Variants in SGCE observed in about 807,000 individuals in gnomAD.
SGCE encodes the protein sarcoglycan epsilon, also known as epsilon-sarcoglycan.
SGCE carries 26 observed loss-of-function variants against 57.8 expected under a neutral mutation model. The ratio of observed to expected loss-of-function variants is 0.45; its 90% CI spans 0.33 to 0.62. The LOEUF is 0.62. Among genes scored for constraint, SGCE ranks in the 20% least tolerant of loss-of-function variants. SGCE has a pLI of 0.02. For missense variants in SGCE, 468 were observed against 548.6 expected (o/e 0.85, Z 1.47); for synonymous variants, 183 against 189.5 (o/e 0.97, Z 0.28).
At chr7:94,587,159 T>C (rs1407905589) in intron 10 of SGCE, 1 of 984,436 alleles carries the variant, frequency 1.0e-6, no homozygotes, top group African/African-American at 1.7e-5. Flanking sequence ...TCTTTGGCTC[T>C]TATATTTGTT....
chr7:94,621,741 C>T (rs1211323231), intron 4 of SGCE: 1 of 152,194 alleles, frequency 6.6e-6, no homozygotes, highest in Non-Finnish European at 1.5e-5. Context: ...TTATTCTGCT[C>T]ATTAAGTGTA....
chr7:94,629,928 G>A (rs759914319), intron 1 of SGCE, 87 bp from the exon 2 acceptor site: 1 of 1,485,666 alleles, frequency 6.7e-7, no homozygotes, highest in South Asian at 1.2e-5. Context: ...TTATAAAGAG[G>A]GGTCTCACTA....
At chr7:94,614,559 C>A (rs1801590637) in intron 5 of SGCE, among the ~76,000 whole-genome samples, 1 of 152,170 alleles carries the variant, frequency 6.6e-6, no homozygotes, top group African/African-American at 2.4e-5. Context: ...CTTCGGTACT[C>A]GCCCAAGCCC....
At chr7:94,597,831 AC>A (rs1798626615) in intron 9 of SGCE, 1 of 152,292 alleles carries the variant, frequency 6.6e-6, no homozygotes, top group East Asian at 1.9e-4. Flanking sequence ...ACATGGTGAA[AC>A]CCCATCCCTA....
chr7:94,628,485 T>A, intron 2 of SGCE, 126 bp from the exon 3 acceptor site: 1 of 684,042 alleles, frequency 1.5e-6, no homozygotes, highest in Non-Finnish European at 2.5e-6. Context: ...AATACACACA[T>A]ACAAAACCCA....
chr7:94,628,457 T>G (rs1584693630), intron 2 of SGCE, 98 bp from the exon 3 acceptor site: 10 of 1,053,336 alleles, frequency 9.5e-6, no homozygotes, highest in East Asian at 5.1e-5. Flanking sequence ...ATTTTTTTCT[T>G]ACATTTGTAG....
chr7:94,626,149 G>A (rs1199392759), intron 3 of SGCE: 4 of 151,960 alleles, frequency 2.6e-5, no homozygotes, highest in East Asian at 1.9e-4. Flanking sequence ...TTATTAAATT[G>A]CAGGATTTCG....
chr7:94,605,968 A>T (rs919957135), intron 5 of SGCE, among the ~76,000 whole-genome samples: 6 of 152,062 alleles, frequency 3.9e-5, no homozygotes, highest in African/African-American at 1.4e-4. Flanking sequence ...AGCTGAGACT[A>T]CAGGTGCCCG....
At chr7:94,601,807 G>T (rs376529311) in intron 6 of SGCE, among the ~76,000 whole-genome samples, 100 of 152,166 alleles carry the variant, frequency 6.6e-4, no homozygotes, top group African/African-American at 2.3e-3. Flanking sequence ...CACATTGGCG[G>T]CTTGTTGTCC....
rs1801453067 is a variant in SGCE, at chr7:94,613,902, AC to A, written c.662+4855del. 4.6e-5 allele frequency among the ~76,000 whole-genome samples: 7 copies of A among 152,122 alleles called. No individual in the cohort carries two copies. In the South Asian group the frequency reaches 1.5e-3, roughly 32 times the overall value. On this transcript the variant is annotated intron_variant, in intron 5 of 10. Coordinates refer to ENST00000648936, the MANE Select transcript of SGCE (RefSeq NM_003919.3). ...CACCCAACTTCTTTCTAATGTACAT[AC>A]CTGCAATTAATCAATCAAAAAGTAA...
rs774546647 is a variant in SGCE, at chr7:94,600,723, T to G, written c.960A>C (p.Thr320=). The part of the protein sequence containing the change: ...SRDYYTDFLI[T]LAVPSAVALV... ...GTGCCACTGCCGAGGGCACAGCCAG[T>G]GTAATTAGGAAATCCGTGTAATAGT... Residue 320 remains threonine (T), a synonymous_variant, in exon 7 of 11, where the codon ACA becomes ACC. Coordinates refer to ENST00000648936, the MANE Select transcript of SGCE (RefSeq NM_003919.3). 24 of 1,613,868 alleles carry G rather than the reference T, an allele frequency of 1.5e-5. No individual in the cohort carries two copies. The highest frequency in any genetic ancestry group is 2.0e-5 in the Non-Finnish European group (24 of 1,179,868).
rs1804008958 is a variant in SGCE at position 94,628,004 on chromosome 7, A to G, written c.390+198T>C. ...TTTAGACTGTCATTTTTAATATAAA[A>G]GCTGAAACAAAAACTTTATAAACAG... is the stretch of plus-strand genomic sequence containing the variant. On this transcript the variant is annotated intron_variant, in intron 3 of 10. Coordinates refer to ENST00000648936, the MANE Select transcript of SGCE (RefSeq NM_003919.3). The G allele has an allele frequency of 9.5e-6, 5 of 527,598 alleles. No homozygotes were observed. In the East Asian group the frequency reaches 1.5e-4, roughly 15 times the overall value. 32.7% of individuals were successfully genotyped at this position (527,598 alleles called of 1,614,324 possible).
chr7:94,595,046 T>C (rs188589497), intron 9 of SGCE, among the ~76,000 whole-genome samples: 55 of 152,282 alleles, frequency 3.6e-4, no homozygotes, highest in Non-Finnish European at 7.6e-4. Context: ...TGCCTAGATA[T>C]CAGGATAGGT....
chr7:94,633,720 G>A (rs1354936790), intron 1 of SGCE, among the ~76,000 whole-genome samples: 1 of 152,126 alleles, frequency 6.6e-6, no homozygotes, highest in African/African-American at 2.4e-5. Context: ...ATATATGGGT[G>A]TGCACGTGTG....
intron 1 of SGCE, among the ~76,000 whole-genome samples, chr7:94,643,190 A>G (rs1806631937): frequency 6.6e-6 from 1 of 152,234 alleles, no homozygotes; most frequent in South Asian, 2.1e-4. Flanking sequence ...AGGATTTACT[A>G]GGATAATTTT....
intron 5 of SGCE, among the ~76,000 whole-genome samples, chr7:94,608,066 G>A (rs545087434): frequency 2.0e-5 from 3 of 152,244 alleles, no homozygotes; most frequent in Admixed American, 1.3e-4. Context: ...AACAGAGGCC[G>A]GGTGTGATGG....
intron 9 of SGCE, among the ~76,000 whole-genome samples, chr7:94,591,937 A>T (rs1797739039): frequency 6.6e-6 from 1 of 152,204 alleles, no homozygotes. Flanking sequence ...TGTTTGAACA[A>T]TGCTCATGCA....
At chr7:94,605,695 GGA>G (rs1800008419) in intron 5 of SGCE, among the ~76,000 whole-genome samples, 2 of 151,784 alleles carry the variant, frequency 1.3e-5, no homozygotes, top group African/African-American at 4.8e-5. Flanking sequence ...TGTTAAAAGA[GGA>G]GAGAAAACAA....
At chr7:94,605,073 C>A (rs748353954) in intron 5 of SGCE, among the ~76,000 whole-genome samples, 1 of 151,594 alleles carries the variant, frequency 6.6e-6, no homozygotes, top group Non-Finnish European at 1.5e-5. Context: ...ATTCTTTTTA[C>A]TCCATACATT....
Sources: gnomAD v4.1 joint callset for allele counts (sites outside exome capture counted in the v4.1 genomes callset) on GRCh38, gnomAD v4.1.1 for gene constraint, MANE v1.5 for transcripts, NCBI Gene and HGNC (gene_info 2026-07-23, HGNC 2026-07-21) for gene names.